The following COL23A1 variants were observed in gnomAD, a reference collection of about 807,000 sequenced individuals.
COL23A1 encodes collagen alpha-1(XXIII) chain.
A neutral mutation model predicts 99.3 loss-of-function variants in COL23A1; 97 were observed. The ratio of observed to expected loss-of-function variants is 0.98; its 90% CI spans 0.83 to 1.16. The LOEUF is 1.16. COL23A1 is among the 50% of genes most tolerant of loss of function. The probability of loss-of-function intolerance (pLI) is 0.00; values close to 1 mark genes in which losing one functional copy is unlikely to be tolerated. For missense variants in COL23A1, 762 were observed against 757.4 expected, an observed-to-expected ratio of 1.01 and a Z score of -0.07; for synonymous variants, 320 against 308.2, an observed-to-expected ratio of 1.04 and a Z score of -0.40.
chr5:178,583,619 C>G, intron 1 of COL23A1, among the ~76,000 whole-genome samples: 1 of 152,172 alleles, frequency 6.6e-6, no homozygotes, highest in South Asian at 2.1e-4. Context: ...GCAATCCACA[C>G]TGGTCCATCA....
intron 2 of COL23A1, among the ~76,000 whole-genome samples, chr5:178,393,739 G>A (rs776250219): frequency 6.6e-6 from 1 of 151,084 alleles, no homozygotes; most frequent in Non-Finnish European, 1.5e-5. Context: ...GGGCTCAAGC[G>A]ATTTTTCTGC....
intron 1 of COL23A1, among the ~76,000 whole-genome samples, chr5:178,576,644 C>T (rs1180084630): frequency 2.0e-5 from 3 of 152,178 alleles, no homozygotes. Flanking sequence ...GGGACAGGCG[C>T]GGGGTCGTGG....
intron 2 of COL23A1, among the ~76,000 whole-genome samples, chr5:178,463,114 A>T (rs918576067): frequency 7.2e-5 from 11 of 152,354 alleles, no homozygotes; most frequent in Non-Finnish European, 1.3e-4. Context: ...TATTTTTTTA[A>T]GTGCATCTGA....
At chr5:178,297,718 A>G (rs1173587010) in intron 3 of COL23A1, among the ~76,000 whole-genome samples, 1 of 152,200 alleles carries the variant, frequency 6.6e-6, no homozygotes, top group Non-Finnish European at 1.5e-5. Flanking sequence ...CCCTGGGACC[A>G]CATCTGCCCA....
At chr5:178,575,492 G>A (rs1448821333) in intron 1 of COL23A1, among the ~76,000 whole-genome samples, 1 of 152,096 alleles carries the variant, frequency 6.6e-6, no homozygotes, top group African/African-American at 2.4e-5. Context: ...TACCTCCTTA[G>A]GCCCTCACTA....
At position 178,256,852 on chromosome 5, in the gene COL23A1, A is replaced by C; in HGVS notation, c.837+14T>G. On this transcript the variant is annotated intron_variant, in intron 14 of 28. Coordinates refer to ENST00000390654, the MANE Select transcript of COL23A1 (RefSeq NM_173465.4). ...GGGGCCCGCAGGCGCCAGAGCAGAG[A>C]GCTCTCATGTCACCTTCGGTCCTGG... 1 of 1,611,176 alleles carries C rather than the reference A, an allele frequency of 6.2e-7. No homozygotes were observed. The highest frequency in any genetic ancestry group is 8.5e-7 in the Non-Finnish European group (1 of 1,178,680).
Position 178,255,831 on chromosome 5 carries a change from G to T in COL23A1, c.882+522C>A. The T allele has an allele frequency of 2.5e-6, 1 of 403,412 alleles. No homozygotes were observed. Among genetic ancestry groups the T allele is most frequent in the Non-Finnish European group, 5.1e-6 (1 of 196,950 alleles). 25.0% of individuals were successfully genotyped at this position (403,412 alleles called of 1,614,324 possible). A position where few individuals can be genotyped will look rare whatever the true frequency, so the allele number is the denominator to read the frequency against. ...CTCAGATCCATTTTTTTTGGAGGAA[G>T]AAGCCAGCCTCTGGGAGCATGAGGA... is the stretch of plus-strand genomic sequence containing the variant. On this transcript the variant is annotated intron_variant, in intron 15 of 28. Coordinates refer to ENST00000390654, the MANE Select transcript of COL23A1 (RefSeq NM_173465.4). The surrounding 1 kb of genome is among the most constrained non-coding windows in gnomAD (Gnocchi z 4.2).
At chr5:178,290,229 G>A in intron 4 of COL23A1, 133 bp downstream of exon 4, 1 of 1,292,484 alleles carries the variant, frequency 7.7e-7, no homozygotes, top group South Asian at 1.2e-5. Flanking sequence ...ACCGCACCTG[G>A]CCACTTTTTA....
intron 3 of COL23A1, among the ~76,000 whole-genome samples, chr5:178,301,839 CGCCGGAGCACAGCTTCAA>C (rs1758051214): frequency 4.0e-5 from 6 of 149,124 alleles, no homozygotes; most frequent in Admixed American, 6.7e-5. Context: ...CCTGTGTGTG[CGCCGGAGCACAGCTTCAA>C]TGCTGCACCT....
chr5:178,477,819 T>C (rs1473667085), intron 2 of COL23A1, among the ~76,000 whole-genome samples: 1 of 152,166 alleles, frequency 6.6e-6, no homozygotes, highest in Non-Finnish European at 1.5e-5. Flanking sequence ...TGGGATTCTT[T>C]CGGATGCTGG....
intron 2 of COL23A1, among the ~76,000 whole-genome samples, chr5:178,362,673 A>T (rs1762235947): frequency 6.6e-6 from 1 of 152,052 alleles, no homozygotes; most frequent in Non-Finnish European, 1.5e-5. Flanking sequence ...CCGCCATGGG[A>T]CTTCTGTTGG....
intron 3 of COL23A1, among the ~76,000 whole-genome samples, chr5:178,300,637 C>T (rs1393769287): frequency 6.6e-6 from 1 of 151,984 alleles, no homozygotes; most frequent in African/African-American, 2.4e-5. Flanking sequence ...GTAATCTCTG[C>T]CTCCCAGGTC....
intron 12 of COL23A1, among the ~76,000 whole-genome samples, 183 bp downstream of exon 12, chr5:178,259,538 C>T (rs934136354): frequency 5.3e-5 from 8 of 152,170 alleles, no homozygotes; most frequent in East Asian, 1.9e-4. Context: ...TCAGGGAGAG[C>T]GAGGACAGGG....
At chr5:178,273,135 AG>A (rs1433701332) in intron 5 of COL23A1, among the ~76,000 whole-genome samples, 2 of 152,146 alleles carry the variant, frequency 1.3e-5, no homozygotes, top group Non-Finnish European at 2.9e-5. Flanking sequence ...CCTGCAACCA[AG>A]GCCCCCTGGA....
chr5:178,329,870 G>A (rs1759909647), intron 2 of COL23A1, among the ~76,000 whole-genome samples: 1 of 152,022 alleles, frequency 6.6e-6, no homozygotes, highest in East Asian at 1.9e-4. Flanking sequence ...CCGGGAGGCG[G>A]AGGTTGCAGT....
intron 2 of COL23A1, among the ~76,000 whole-genome samples, chr5:178,362,494 C>T (rs1277810583): frequency 6.6e-6 from 1 of 152,108 alleles, no homozygotes; most frequent in African/African-American, 2.4e-5. Flanking sequence ...CCTCACTTTT[C>T]CTTTGAAGAG....
intron 2 of COL23A1, among the ~76,000 whole-genome samples, chr5:178,364,273 TG>T (rs1247970132): frequency 2.0e-5 from 3 of 152,216 alleles, no homozygotes; most frequent in Non-Finnish European, 2.9e-5. Context: ...CAGAACTGCC[TG>T]GCCCCCGCCC....
intron 7 of COL23A1, among the ~76,000 whole-genome samples, chr5:178,267,847 T>A (rs975104580): frequency 2.0e-5 from 3 of 152,216 alleles, no homozygotes; most frequent in African/African-American, 7.2e-5. Context: ...GTCTCTTCAT[T>A]GACAAGAACA....
At chr5:178,258,616 C>T (rs148659840) in intron 12 of COL23A1, among the ~76,000 whole-genome samples, 1 of 152,036 alleles carries the variant, frequency 6.6e-6, no homozygotes, top group Non-Finnish European at 1.5e-5. Context: ...AGGATGGTCT[C>T]TATCTCCTGA....
Sources: gnomAD v4.1 joint callset for allele counts (sites outside exome capture counted in the v4.1 genomes callset) on GRCh38, gnomAD v4.1.1 for gene constraint, Gnocchi (gnomAD v3.1) non-coding constraint, MANE v1.5 for transcripts, NCBI Gene and HGNC (gene_info 2026-07-23, HGNC 2026-07-21) for gene names.